LOC400499: variants seen among roughly 807,000 people sequenced by gnomAD.
At chr16:11,401,216 G>A in the LOC400499 span, 9 of 398,722 alleles carry the variant, frequency 2.3e-5, no homozygotes, top group African/African-American at 4.1e-5. Flanking sequence ...TCAGTCACGC[G>A]GCTCCCACCT....
chr16:11,443,645 C>T, the LOC400499 span, among the ~76,000 whole-genome samples: 62 of 152,002 alleles, frequency 4.1e-4, no homozygotes, highest in Admixed American at 6.6e-5. Flanking sequence ...CATTTTACAA[C>T]GCTACATTGT....
the LOC400499 span, among the ~76,000 whole-genome samples, chr16:11,459,188 ATTTTT>A: frequency 5.9e-4 from 71 of 119,888 alleles, 1 homozygote; most frequent in African/African-American, 2.4e-3. Flanking sequence ...TCCTAAACCA[ATTTTT>A]TTTTTTTTTT....
the LOC400499 span, among the ~76,000 whole-genome samples, chr16:11,519,454 G>A: frequency 1.3e-5 from 2 of 152,006 alleles, no homozygotes; most frequent in Admixed American, 6.6e-5. Context: ...AAATTTAATA[G>A]AGCCGGTCAC....
At chr16:11,460,932 C>T in the LOC400499 span, 3 of 1,501,830 alleles carry the variant, frequency 2.0e-6, no homozygotes, top group Non-Finnish European at 2.7e-6. Context: ...GCCACCTCCA[C>T]CTGCCCCGCA....
the LOC400499 span, among the ~76,000 whole-genome samples, chr16:11,429,120 T>C: frequency 1.3e-5 from 2 of 152,120 alleles, no homozygotes; most frequent in Non-Finnish European, 2.9e-5. Context: ...AACCCTCATG[T>C]TGAATTGTAA....
At chr16:11,499,558 C>G in the LOC400499 span, among the ~76,000 whole-genome samples, 1 of 152,078 alleles carries the variant, frequency 6.6e-6, no homozygotes, top group Non-Finnish European at 1.5e-5. Flanking sequence ...CACAGTCTAC[C>G]TGGAACAGCC....
the LOC400499 span, among the ~76,000 whole-genome samples, chr16:11,464,493 C>T: frequency 2.6e-5 from 4 of 152,246 alleles, no homozygotes; most frequent in African/African-American, 7.2e-5. Context: ...CAACCCACGA[C>T]CCAACCCCTG....
chr16:11,406,900 G>A, the LOC400499 span, among the ~76,000 whole-genome samples: 72 of 152,306 alleles, frequency 4.7e-4, 1 homozygote, highest in East Asian at 0.011. Context: ...TATTTCGTTT[G>A]TGTGATTTCG....
the LOC400499 span, among the ~76,000 whole-genome samples, chr16:11,490,918 T>C: frequency 6.6e-6 from 1 of 152,248 alleles, no homozygotes; most frequent in East Asian, 1.9e-4. Context: ...CCCTTGCCTA[T>C]GCTTTAAAAT....
the LOC400499 span, among the ~76,000 whole-genome samples, chr16:11,484,229 G>C: frequency 1.3e-5 from 2 of 151,886 alleles, no homozygotes; most frequent in African/African-American, 4.8e-5. Context: ...GGATGGTCTT[G>C]ATCTCCTGAC....
chr16:11,499,418 G>A, the LOC400499 span, among the ~76,000 whole-genome samples: 1,047 of 151,808 alleles, frequency 6.9e-3, 20 homozygotes, highest in African/African-American at 0.024. Flanking sequence ...GGTCTTGGGT[G>A]GTTCTGGCAT....
chr16:11,431,210 C>T, the LOC400499 span: 20 of 399,002 alleles, frequency 5.0e-5, no homozygotes, highest in East Asian at 6.4e-4. Flanking sequence ...TCCAGCAGTG[C>T]CTTGGAAAAC....
the LOC400499 span, among the ~76,000 whole-genome samples, chr16:11,475,027 A>C: frequency 1.3e-5 from 2 of 152,376 alleles, no homozygotes; most frequent in South Asian, 4.1e-4. Flanking sequence ...TGTTCACCTT[A>C]TCTTATGTAA....
chr16:11,457,062 A>G, the LOC400499 span: 3 of 1,499,242 alleles, frequency 2.0e-6, no homozygotes, highest in Non-Finnish European at 2.7e-6. Context: ...CACCCCCCCA[A>G]GATGCCAATG....
the LOC400499 span, chr16:11,442,650 T>G: frequency 2.0e-5 from 3 of 152,256 alleles, no homozygotes; most frequent in Non-Finnish European, 4.4e-5. Flanking sequence ...TCTGATTTTC[T>G]TCTTATAAAC....
chr16:11,448,126 A>C, the LOC400499 span: 1 of 1,505,254 alleles, frequency 6.6e-7, no homozygotes, highest in Non-Finnish European at 8.8e-7. Context: ...ACCAAGCTGC[A>C]GACCTGCCTT....
chr16:11,375,917 C>T, the LOC400499 span, among the ~76,000 whole-genome samples: 7 of 151,900 alleles, frequency 4.6e-5, no homozygotes, highest in East Asian at 1.9e-4. Flanking sequence ...TTAGTAGAGA[C>T]GGGGTGAGAA....
the LOC400499 span, chr16:11,473,093 G>C: frequency 6.7e-6 from 1 of 149,416 alleles, no homozygotes; most frequent in Non-Finnish European, 1.5e-5. Context: ...TCTAGCCTGG[G>C]TGACAGAGGG....
At chr16:11,400,631 G>A in the LOC400499 span, among the ~76,000 whole-genome samples, 1 of 152,198 alleles carries the variant, frequency 6.6e-6, no homozygotes, top group Admixed American at 6.5e-5. Flanking sequence ...AGTAGAGACA[G>A]GATTTCGCCA....
Sources: allele counts gnomAD v4.1 joint callset (sites outside exome capture counted in the v4.1 genomes callset), GRCh38; gene constraint gnomAD v4.1.1; transcripts MANE v1.5.